The following ZFHX3 variants were observed in gnomAD, a reference collection of about 807,000 sequenced individuals.
ZFHX3 encodes the protein zinc finger homeobox 3.
Under a neutral mutation model 279.1 loss-of-function variants are expected in ZFHX3, and 42 were observed. The ratio of observed to expected loss-of-function variants is 0.15; its 90% CI spans 0.12 to 0.19. The LOEUF is 0.19. ZFHX3 is among the 10% of genes least tolerant of loss of function. The probability of loss-of-function intolerance (pLI) is 1.00; values close to 1 mark genes in which losing one functional copy is unlikely to be tolerated. For missense variants in ZFHX3, 4,981 were observed against 4,754.0 expected (o/e 1.05, Z -1.40); for synonymous variants, 2,293 against 1,957.8 (o/e 1.17, Z -4.52).
intron 5 of ZFHX3, among the ~76,000 whole-genome samples, chr16:73,222,175 T>G (rs1221551128): frequency 6.6e-6 from 1 of 152,106 alleles, no homozygotes; most frequent in African/African-American, 2.4e-5. Flanking sequence ...ATACTAAGTG[T>G]GAATAATCTC....
At chr16:73,552,286 A>G (rs2020214148) in intron 2 of ZFHX3, among the ~76,000 whole-genome samples, 1 of 152,160 alleles carries the variant, frequency 6.6e-6, no homozygotes, top group African/African-American at 2.4e-5. Context: ...TTCAATTTGC[A>G]AAGTCAAGCA....
At chr16:73,598,642 A>G (rs1272500457) in intron 2 of ZFHX3, among the ~76,000 whole-genome samples, 1 of 151,496 alleles carries the variant, frequency 6.6e-6, no homozygotes, top group Non-Finnish European at 1.5e-5. Flanking sequence ...CTGGTCTCAA[A>G]CTCCTGAGCT....
intron 3 of ZFHX3, among the ~76,000 whole-genome samples, chr16:73,422,344 A>G (rs893912014): frequency 6.6e-6 from 1 of 152,074 alleles, no homozygotes; most frequent in Non-Finnish European, 1.5e-5. Context: ...TTGGCAATAA[A>G]ATGTCTGAAA....
At chr16:72,865,568 T>C (rs2037997953) in intron 4 of ZFHX3, among the ~76,000 whole-genome samples, 1 of 152,200 alleles carries the variant, frequency 6.6e-6, no homozygotes, top group Non-Finnish European at 1.5e-5. Flanking sequence ...ACAAGGAGTA[T>C]GCTGTCATAG....
chr16:73,037,666 C>T (rs1268612880), intron 1 of ZFHX3, among the ~76,000 whole-genome samples: 3 of 152,150 alleles, frequency 2.0e-5, no homozygotes, highest in Admixed American at 6.5e-5. Context: ...GAATGCAACA[C>T]CCTGGCATGT....
At chr16:73,230,530 C>A (rs2012740444) in intron 5 of ZFHX3, among the ~76,000 whole-genome samples, 1 of 152,166 alleles carries the variant, frequency 6.6e-6, no homozygotes, top group African/African-American at 2.4e-5. Flanking sequence ...GAACACCATG[C>A]AAATGGAGGA....
At chr16:72,885,781 T>A (rs912540865) in intron 4 of ZFHX3, among the ~76,000 whole-genome samples, 2 of 152,158 alleles carry the variant, frequency 1.3e-5, no homozygotes, top group African/African-American at 4.8e-5. Context: ...AGGAATGTCA[T>A]CACTTAGCAG....
At chr16:73,457,090 G>C (rs965572825) in intron 2 of ZFHX3, among the ~76,000 whole-genome samples, 7 of 152,326 alleles carry the variant, frequency 4.6e-5, no homozygotes, top group African/African-American at 1.7e-4. Context: ...GGAGCCTTGT[G>C]CTTCTGAGCA....
intron 2 of ZFHX3, among the ~76,000 whole-genome samples, chr16:73,509,408 T>C (rs751799586): frequency 1.3e-5 from 2 of 152,146 alleles, no homozygotes; most frequent in East Asian, 3.9e-4. Context: ...CTGGCCTTTT[T>C]GTATAAAAGT....
In ZFHX3 at chr16:73,176,905, C is replaced by A. The variant is rs556373779; in HGVS notation, c.-1103-33074G>T. Among the ~76,000 whole-genome samples, 4 of 151,906 alleles carry A rather than the reference C, an allele frequency of 2.6e-5. No individual in the cohort carries two copies. The East Asian group carries it at 5.8e-4, about 22-fold the overall frequency. On this transcript the variant is annotated intron_variant, in intron 5 of 17. Coordinates refer to the ZFHX3 transcript ENST00000641206. ...CACAGAATAAGCATAAAGGAAAGTG[C>A]CTTCATCATTTCATCTTCGGCCCCA...
At chr16:73,712,822 C>T (rs2053377268) in intron 1 of ZFHX3, among the ~76,000 whole-genome samples, 1 of 152,216 alleles carries the variant, frequency 6.6e-6, no homozygotes, top group East Asian at 1.9e-4. Flanking sequence ...GAAAACACAA[C>T]ATAAAGGACA....
intron 1 of ZFHX3, among the ~76,000 whole-genome samples, chr16:73,045,806 G>A (rs992904962): frequency 1.6e-4 from 15 of 95,566 alleles, no homozygotes; most frequent in East Asian, 9.6e-4. Context: ...AAAAAAAAGT[G>A]GGGGGGGGTT....
chr16:73,061,719 T>C (rs1416971077), upstream of ZFHX3: 1 of 146,400 alleles, frequency 6.8e-6, no homozygotes, highest in Non-Finnish European at 1.5e-5. Context: ...AAGCTGTTTA[T>C]TTTTTTAAAG....
intron 4 of ZFHX3, among the ~76,000 whole-genome samples, chr16:72,863,022 TCGC>T (rs2037923571): frequency 6.6e-6 from 1 of 151,968 alleles, no homozygotes; most frequent in South Asian, 2.1e-4. Flanking sequence ...AGGTGGAGGA[TCGC>T]TTGAGCCCAG....
intron 7 of ZFHX3, among the ~76,000 whole-genome samples, chr16:73,109,587 G>C (rs1341744009): frequency 6.6e-6 from 1 of 152,140 alleles, no homozygotes; most frequent in Non-Finnish European, 1.5e-5. Context: ...TTCCGGTGCA[G>C]TGCCTCGTGC....
At chr16:73,326,303 T>C (rs186894007) in intron 3 of ZFHX3, among the ~76,000 whole-genome samples, 2 of 152,232 alleles carry the variant, frequency 1.3e-5, no homozygotes, top group Admixed American at 6.5e-5. Context: ...CTGAACCACA[T>C]ACGAAAAGCC....
intron 3 of ZFHX3, among the ~76,000 whole-genome samples, chr16:72,910,085 T>C (rs1036961666): frequency 1.3e-5 from 2 of 152,132 alleles, no homozygotes; most frequent in East Asian, 3.9e-4. Context: ...AGGGCACTGG[T>C]TCTCAGGTTC....
At chr16:73,035,376 A>G (rs1405193402) in intron 1 of ZFHX3, among the ~76,000 whole-genome samples, 1 of 152,174 alleles carries the variant, frequency 6.6e-6, no homozygotes, top group African/African-American at 2.4e-5. Context: ...CTGTCTTTCA[A>G]CTTCAGATTC....
intron 4 of ZFHX3, among the ~76,000 whole-genome samples, chr16:72,846,185 G>A (rs2037475221): frequency 6.6e-6 from 1 of 152,240 alleles, no homozygotes; most frequent in African/African-American, 2.4e-5. Flanking sequence ...TAAGTCAGAG[G>A]CTGCTAAGGG....
Sources: gnomAD v4.1 joint callset for allele counts (sites outside exome capture counted in the v4.1 genomes callset) on GRCh38, gnomAD v4.1.1 for gene constraint, MANE v1.5 for transcripts, NCBI Gene and HGNC (gene_info 2026-07-23, HGNC 2026-07-21) for gene names.